HERC3: variants seen among roughly 807,000 people sequenced by gnomAD.
The protein encoded by HERC3 is HECT and RLD domain containing E3 ubiquitin protein ligase 3.
In HERC3, 58 loss-of-function variants were observed where a neutral mutation model predicts 129.9. That is an observed-to-expected ratio of 0.45 (90% CI 0.36 to 0.56). The LOEUF is 0.56. HERC3 is among the 20% of genes least tolerant of loss of function. The pLI is 0.00. For missense variants in HERC3, 835 were observed against 1,244.2 expected (o/e 0.67, Z 4.95); for synonymous variants, 430 against 451.0 (o/e 0.95, Z 0.59).
chr4:88,704,060 A>T (rs758587371), intron 23 of HERC3, 38 bp from the exon 24 acceptor site: 19 of 1,580,812 alleles, frequency 1.2e-5, no homozygotes, highest in Non-Finnish European at 1.6e-5. Flanking sequence ...GCTTTACAAG[A>T]CTTTGAGCTA....
chr4:88,638,445 A>G (rs1406869421), intron 3 of HERC3, among the ~76,000 whole-genome samples: 1 of 152,232 alleles, frequency 6.6e-6, no homozygotes, highest in Non-Finnish European at 1.5e-5. Context: ...CCATATGCAA[A>G]TCAATAAACA....
chr4:88,622,455 A>G (rs1725635572), intron 3 of HERC3, among the ~76,000 whole-genome samples: 1 of 150,684 alleles, frequency 6.6e-6, no homozygotes, highest in South Asian at 2.2e-4. Flanking sequence ...TTTTTACACA[A>G]TTTTTTGTGT....
intron 3 of HERC3, among the ~76,000 whole-genome samples, chr4:88,628,443 T>A (rs144327880): frequency 4.6e-5 from 7 of 152,148 alleles, no homozygotes; most frequent in Non-Finnish European, 7.3e-5. Flanking sequence ...GGTTTTTTTT[T>A]AAAAGGCAGC....
intron 18 of HERC3, 43 bp downstream of exon 18, chr4:88,676,466 T>C: frequency 1.5e-6 from 2 of 1,347,298 alleles, no homozygotes; most frequent in Non-Finnish European, 2.1e-6. Flanking sequence ...ACTGTGTTTC[T>C]CCCATTCTAG....
chr4:88,676,553 A>G, intron 18 of HERC3, 130 bp downstream of exon 18: 1 of 679,214 alleles, frequency 1.5e-6, no homozygotes, highest in South Asian at 1.9e-5. Context: ...AAACTGTTTG[A>G]AACTTTTCAG....
chr4:88,628,113 A>G (rs1726331666), intron 3 of HERC3, among the ~76,000 whole-genome samples: 1 of 152,110 alleles, frequency 6.6e-6, no homozygotes, highest in African/African-American at 2.4e-5. Context: ...CTAATTTTGT[A>G]TCTGCTTACT....
At chr4:88,701,528 T>A (rs1017100242) in intron 23 of HERC3, among the ~76,000 whole-genome samples, 13 of 152,198 alleles carry the variant, frequency 8.5e-5, no homozygotes, top group African/African-American at 3.1e-4. Context: ...TTTAAAATTG[T>A]TTTTAATCTA....
intron 2 of HERC3, among the ~76,000 whole-genome samples, chr4:88,596,134 C>T (rs1300523200): frequency 6.6e-6 from 1 of 152,146 alleles, no homozygotes; most frequent in Admixed American, 6.5e-5. Context: ...CAGGCGTGAG[C>T]CACCGCGCCT....
At chr4:88,699,023 C>G (rs1269910471) in intron 23 of HERC3, among the ~76,000 whole-genome samples, 2 of 117,366 alleles carry the variant, frequency 1.7e-5, no homozygotes, top group Admixed American at 8.2e-5. Flanking sequence ...CTTCCTCACC[C>G]TCTTCACCCT....
At chr4:88,599,845 G>A (rs988515072) in intron 2 of HERC3, among the ~76,000 whole-genome samples, 3 of 152,162 alleles carry the variant, frequency 2.0e-5, no homozygotes, top group Admixed American at 6.6e-5. Context: ...ATTACTTAGC[G>A]GGTCAGATAG....
chr4:88,635,108 G>A (rs187059333), intron 3 of HERC3, among the ~76,000 whole-genome samples: 3 of 152,046 alleles, frequency 2.0e-5, no homozygotes, highest in East Asian at 3.9e-4. Context: ...CTAAATGATC[G>A]CAACACCTCT....
Position 88,667,430 on chromosome 4 carries a change from C to A in HERC3, c.1385C>A (p.Ser462Ter). Residue 462 changes from serine (S) to a stop codon, truncating the protein, a stop_gained, in exon 13 of 26, where the codon TCA becomes TAA. Coordinates refer to ENST00000402738, the MANE Select transcript of HERC3 (RefSeq NM_014606.3). LOFTEE classifies it high-confidence loss of function. ...SPKIPGIDLNSTRVLFEKLMN... is the reference protein window; with the variant it reads ...SPKIPGIDLN ...AAAATCCCTGGGATTGACCTGAACT[C>A]AACTAGGGTGTTATTTGAGAAGTTA... The A allele has an allele frequency of 6.2e-7, 1 of 1,610,696 alleles. No individual in the cohort carries two copies. The highest frequency in any genetic ancestry group is 1.1e-5 in the South Asian group (1 of 90,676).
chr4:88,684,316 A>G (rs534012645), intron 21 of HERC3, among the ~76,000 whole-genome samples: 1 of 152,308 alleles, frequency 6.6e-6, no homozygotes, highest in Non-Finnish European at 1.5e-5. Flanking sequence ...AATACCACAC[A>G]TCTACAATCA....
At chr4:88,633,964 C>T (rs113295230) in intron 3 of HERC3, among the ~76,000 whole-genome samples, 3 of 152,042 alleles carry the variant, frequency 2.0e-5, no homozygotes, top group Non-Finnish European at 2.9e-5. Flanking sequence ...CCGAGATGGC[C>T]GATTGGAAGC....
intron 23 of HERC3, among the ~76,000 whole-genome samples, chr4:88,702,814 T>TC (rs1299590424): frequency 1.3e-5 from 2 of 152,134 alleles, no homozygotes; most frequent in Middle Eastern, 3.2e-3. Flanking sequence ...TGACAGAATT[T>TC]CCCCCCAAAA....
chr4:88,649,518 A>G (rs1729048649), intron 3 of HERC3, among the ~76,000 whole-genome samples: 2 of 152,196 alleles, frequency 1.3e-5, no homozygotes, highest in South Asian at 4.2e-4. Flanking sequence ...TCTTGGATGG[A>G]ACATCTCCAA....
chr4:88,593,065 T>G (rs1721904929), intron 1 of HERC3, among the ~76,000 whole-genome samples: 1 of 145,350 alleles, frequency 6.9e-6, no homozygotes, highest in African/African-American at 2.6e-5. Context: ...GGCGAGGCCC[T>G]GGCATTTTGG....
At chr4:88,532,763 A>G in the HERC3 span, among the ~76,000 whole-genome samples, 2 of 152,186 alleles carry the variant, frequency 1.3e-5, no homozygotes, top group African/African-American at 2.4e-5. Context: ...CAGGAAAACA[A>G]TCATCCTCTG....
At chr4:88,643,547 A>G (rs1166273706) in intron 3 of HERC3, among the ~76,000 whole-genome samples, 3 of 152,230 alleles carry the variant, frequency 2.0e-5, no homozygotes, top group African/African-American at 4.8e-5. Context: ...ACGCAGTCCA[A>G]TAGAACAGAA....
Sources: allele counts gnomAD v4.1 joint callset (sites outside exome capture counted in the v4.1 genomes callset), GRCh38; gene constraint gnomAD v4.1.1; transcripts MANE v1.5; gene names NCBI Gene and HGNC (gene_info 2026-07-23, HGNC 2026-07-21).